Variants in PCMTD2 observed in about 807,000 individuals in gnomAD.
The protein encoded by PCMTD2 is protein-L-isoaspartate (D-aspartate) O-methyltransferase domain containing 2, also known as protein-L-isoaspartate O-methyltransferase domain-containing protein 2.
Under a neutral mutation model 33.4 loss-of-function variants are expected in PCMTD2, and 16 were observed. The observed-to-expected ratio is 0.48, with a 90% CI of 0.32 to 0.73. PCMTD2 has a LOEUF of 0.73. Ranked by LOEUF, PCMTD2 falls within the 30% of genes least tolerant of loss-of-function variation. The pLI is 0.03. For synonymous variants in PCMTD2, 161 were observed against 160.8 expected (o/e 1.00, Z -0.01); for missense variants, 374 against 449.9 (o/e 0.83, Z 1.53).
Position 64,273,841 on chromosome 20 carries a change from G to T in PCMTD2, c.*241G>T. Reference sequence around the variant, plus strand: ...GCATAGAAGATTGTTTTCCCAAAGTGGAGAGAATCTTCATAGAGAAAAAGA... The same window carrying T: ...GCATAGAAGATTGTTTTCCCAAAGTTGAGAGAATCTTCATAGAGAAAAAGA... On this transcript the variant is annotated 3_prime_UTR_variant, in exon 6 of 6. Transcript: ENST00000308824. 2.6e-6 allele frequency: 1 copy of T among 384,744 alleles called. No homozygotes were observed. Among genetic ancestry groups the T allele is most frequent in the Admixed American group, 4.1e-5 (1 of 24,676 alleles). 23.8% of individuals were successfully genotyped at this position (384,744 alleles called of 1,614,324 possible).
chr20:64,259,846 G>T, intron 1 of PCMTD2, 96 bp from the exon 2 acceptor site: 1 of 630,594 alleles, frequency 1.6e-6, no homozygotes, highest in Non-Finnish European at 2.8e-6. Context: ...ATTATTTTCA[G>T]AATTCAGAAT....
chr20:64,269,354 C>T (rs968246242), intron 5 of PCMTD2, among the ~76,000 whole-genome samples: 1 of 152,112 alleles, frequency 6.6e-6, no homozygotes, highest in Non-Finnish European at 1.5e-5. Flanking sequence ...TTTTGAGGGT[C>T]TGGTTGAAAC....
rs138971084 is a variant in PCMTD2 at position 64,259,435 on chromosome 20, C to A, written c.-24-507C>A. ...ACAGAGTCTTGCTCTGTTCCGCAAG[C>A]TGGAGTGCAGTGGTACGAGCTCTGA... On this transcript the variant is annotated intron_variant, in intron 1 of 5. Coordinates refer to ENST00000308824, the MANE Select transcript of PCMTD2 (RefSeq NM_018257.3). Among the ~76,000 whole-genome samples, 885 of 143,178 alleles carry A rather than the reference C, an allele frequency of 6.2e-3. 9 individuals are homozygous for A. Among genetic ancestry groups the A allele is most frequent in the African/African-American group, 0.02 (771 of 37,904 alleles). The allele number at this position is 143,178 out of a possible 152,430, so 93.9% of individuals were successfully genotyped here. A position where few individuals can be genotyped will look rare whatever the true frequency, so the allele number is the denominator to read the frequency against.
intron 4 of PCMTD2, among the ~76,000 whole-genome samples, chr20:64,267,121 A>G (rs916036360): frequency 2.0e-5 from 3 of 152,206 alleles, no homozygotes; most frequent in African/African-American, 7.2e-5. Flanking sequence ...CTGACCAGAA[A>G]TAGTTTTGTG....
intron 5 of PCMTD2, chr20:64,271,846 G>A (rs1029282665): frequency 2.1e-4 from 41 of 191,936 alleles, no homozygotes; most frequent in Admixed American, 4.3e-4. Context: ...GCTGAGGGCC[G>A]GGACCCCGAG....
chr20:64,274,681 A>G lies in PCMTD2; in HGVS notation c.*1081A>G, dbSNP rs1194539226. ...TTTTGTAATTTTTTTGTAAGACCAA[A>G]TGTATGTATTTTAGTAGCTCCATTG... On this transcript the variant is annotated 3_prime_UTR_variant, in exon 6 of 6. Coordinates refer to ENST00000308824, the MANE Select transcript of PCMTD2 (RefSeq NM_018257.3). The G allele has an allele frequency of 6.6e-6, 1 of 152,210 alleles. No individual in the cohort carries two copies. Among genetic ancestry groups the G allele is most frequent in the African/African-American group, 2.4e-5 (1 of 41,444 alleles). 9.4% of individuals were successfully genotyped at this position (152,210 alleles called of 1,614,324 possible). A position where few individuals can be genotyped will look rare whatever the true frequency, so the allele number is the denominator to read the frequency against.
intron 4 of PCMTD2, 143 bp from the exon 5 acceptor site, chr20:64,267,744 A>T (rs1287743072): frequency 1.5e-6 from 1 of 658,460 alleles, no homozygotes; most frequent in East Asian, 2.8e-5. Context: ...TTCATGGCAC[A>T]TCACATTAGG....
chr20:64,269,609 A>G (rs909802347), intron 5 of PCMTD2, among the ~76,000 whole-genome samples: 5 of 152,190 alleles, frequency 3.3e-5, no homozygotes, highest in African/African-American at 1.2e-4. Context: ...CTGTGAGTGT[A>G]GACATACGTG....
chr20:64,273,135 A>T, intron 5 of PCMTD2, 86 bp from the exon 6 acceptor site: 1 of 1,143,906 alleles, frequency 8.7e-7, no homozygotes, highest in South Asian at 1.5e-5. Context: ...AGTTAATTGA[A>T]ATGATGCTAC....
At chr20:64,272,969 A>G (rs752404414) in intron 5 of PCMTD2, among the ~76,000 whole-genome samples, 8 of 152,246 alleles carry the variant, frequency 5.3e-5, no homozygotes, top group African/African-American at 1.4e-4. Flanking sequence ...ACTGATTAAT[A>G]TAGCCAAGCA....
chr20:64,260,887 T>G (rs974161299), intron 2 of PCMTD2, among the ~76,000 whole-genome samples: 4 of 151,864 alleles, frequency 2.6e-5, no homozygotes, highest in African/African-American at 9.7e-5. Flanking sequence ...AGAGACGGGG[T>G]CTCGCCATGT....
intron 5 of PCMTD2, among the ~76,000 whole-genome samples, chr20:64,270,550 G>A (rs1418927651): frequency 1.3e-5 from 2 of 151,636 alleles, no homozygotes; most frequent in Non-Finnish European, 2.9e-5. Context: ...GGGCGTGCAT[G>A]GTGTGGGATC....
chr20:64,260,651 G>A (rs1601739685), intron 2 of PCMTD2, among the ~76,000 whole-genome samples: 1 of 150,890 alleles, frequency 6.6e-6, no homozygotes, highest in African/African-American at 2.4e-5. Context: ...CTAAATCGAT[G>A]GTAATTAACT....
rs1986040180 is a variant in PCMTD2, at chr20:64,274,591, G to C, written c.*991G>C. The C allele has an allele frequency of 6.6e-6, 1 of 152,186 alleles. No individual in the cohort carries two copies. Among genetic ancestry groups the C allele is most frequent in the Admixed American group, 6.5e-5 (1 of 15,282 alleles). 9.4% of individuals were successfully genotyped at this position (152,186 alleles called of 1,614,324 possible). The stretch of plus-strand genomic sequence containing the variant: ...TTTGACTTCAGTTTGCTATTTTTCT[G>C]TGATCACATTAGTACTGATTCATAG... On this transcript the variant is annotated 3_prime_UTR_variant, in exon 6 of 6. Coordinates refer to ENST00000308824, the MANE Select transcript of PCMTD2 (RefSeq NM_018257.3).
At chr20:64,258,256 T>C (rs979864369) in intron 1 of PCMTD2, among the ~76,000 whole-genome samples, 3 of 152,176 alleles carry the variant, frequency 2.0e-5, no homozygotes, top group African/African-American at 4.8e-5. Flanking sequence ...TAGGCTAGGG[T>C]GCAGCCTCAG....
intron 5 of PCMTD2, among the ~76,000 whole-genome samples, chr20:64,269,647 T>C (rs142913954): frequency 6.7e-6 from 1 of 149,340 alleles, no homozygotes; most frequent in East Asian, 2.0e-4. Context: ...TGTAGATGCG[T>C]GGTGTGGGGT....
At chr20:64,266,181 G>A (rs1027873777) in intron 4 of PCMTD2, among the ~76,000 whole-genome samples, 9 of 152,104 alleles carry the variant, frequency 5.9e-5, no homozygotes, top group Non-Finnish European at 1.3e-4. Context: ...TGACCCTTCC[G>A]CCTCAGCATC....
At chr20:64,269,601 G>T (rs79915903) in intron 5 of PCMTD2, among the ~76,000 whole-genome samples, 2,087 of 152,326 alleles carry the variant, frequency 0.014, 54 homozygotes, top group African/African-American at 0.048. Flanking sequence ...AGAAAACTCT[G>T]TGAGTGTAGA....
intron 3 of PCMTD2, 107 bp downstream of exon 3, chr20:64,264,638 G>C: frequency 1.5e-6 from 1 of 667,634 alleles, no homozygotes; most frequent in Non-Finnish European, 2.7e-6. Context: ...TTAAACTGTG[G>C]TGGGATGATT....
Sources: allele counts gnomAD v4.1 joint callset (sites outside exome capture counted in the v4.1 genomes callset), GRCh38; gene constraint gnomAD v4.1.1; transcripts MANE v1.5; gene names NCBI Gene and HGNC (gene_info 2026-07-23, HGNC 2026-07-21).